CLMN: variants seen among roughly 807,000 people sequenced by gnomAD.
CLMN encodes the protein calmin, also known as calmin (calponin-like, transmembrane).
Under a neutral mutation model 92.7 loss-of-function variants are expected in CLMN, and 57 were observed. The observed-to-expected ratio is 0.61, with a 90% CI of 0.50 to 0.77. The LOEUF is 0.77. CLMN is among the 30% of genes least tolerant of loss of function. The probability of loss-of-function intolerance (pLI) is 0.00; values close to 1 mark genes in which losing one functional copy is unlikely to be tolerated. For synonymous variants in CLMN, 466 were observed against 470.6 expected, an observed-to-expected ratio of 0.99 and a Z score of 0.13; for missense variants, 1,158 against 1,237.5, an observed-to-expected ratio of 0.94 and a Z score of 0.96.
chr14:95,273,868 C>T (rs922390362), intron 1 of CLMN, among the ~76,000 whole-genome samples: 3 of 152,106 alleles, frequency 2.0e-5, no homozygotes, highest in South Asian at 2.1e-4. Context: ...ATAGATAAAC[C>T]GATCGTACAT....
intron 1 of CLMN, among the ~76,000 whole-genome samples, chr14:95,233,061 C>T (rs571457293): frequency 6.6e-6 from 1 of 152,166 alleles, no homozygotes; most frequent in Admixed American, 6.5e-5. Context: ...CAAGGCTGTC[C>T]CGGTTTATGC....
chr14:95,315,800 A>C (rs76449783), intron 1 of CLMN, among the ~76,000 whole-genome samples: 7,139 of 152,330 alleles, frequency 0.047, 790 homozygotes, highest in East Asian at 0.45. Context: ...AATTCAAGCT[A>C]CAGTCTGGCT....
Position 95,194,277 on chromosome 14 carries a change from T to C in CLMN, c.2769+259A>G, listed in dbSNP as rs1896639147. On this transcript the variant is annotated intron_variant, in intron 11 of 12. Coordinates refer to ENST00000298912, the MANE Select transcript of CLMN (RefSeq NM_024734.4). This position sits in a 1 kb window ranked among gnomAD's most constrained non-coding sequence, Gnocchi z 4.0. Reference sequence around the variant, plus strand: ...CTTCTGGGTGCGCGCGGGGTCCAGGTGAGGCGTTTTGGGTGCGTTTTTATA... The same window carrying C: ...CTTCTGGGTGCGCGCGGGGTCCAGGCGAGGCGTTTTGGGTGCGTTTTTATA... The C allele has an allele frequency of 1.1e-5, 16 of 1,405,044 alleles. No individual in the cohort carries two copies. The highest frequency in any genetic ancestry group is 1.4e-5 in the Non-Finnish European group (15 of 1,083,934). 87.0% of individuals were successfully genotyped at this position (1,405,044 alleles called of 1,614,324 possible).
chr14:95,221,134 A>G, intron 4 of CLMN, among the ~76,000 whole-genome samples: 1 of 152,068 alleles, frequency 6.6e-6, no homozygotes, highest in East Asian at 1.9e-4. Flanking sequence ...GGTGAAACCT[A>G]ATGAGAGGCG....
chr14:95,270,094 A>T (rs1899647746), intron 1 of CLMN, among the ~76,000 whole-genome samples: 1 of 152,172 alleles, frequency 6.6e-6, no homozygotes, highest in South Asian at 2.1e-4. Flanking sequence ...GGAGGGGAAG[A>T]GCCAGGGCCA....
chr14:95,315,238 C>T (rs1901712346), intron 1 of CLMN, among the ~76,000 whole-genome samples: 1 of 152,120 alleles, frequency 6.6e-6, no homozygotes, highest in African/African-American at 2.4e-5. Flanking sequence ...CACAACAGGT[C>T]AAGGGGCTTG....
At chr14:95,245,963 T>G (rs1239049545) in intron 1 of CLMN, among the ~76,000 whole-genome samples, 2 of 152,090 alleles carry the variant, frequency 1.3e-5, no homozygotes, top group Non-Finnish European at 1.5e-5. Flanking sequence ...TTTTCTACTC[T>G]TTGCATTTGG....
intron 1 of CLMN, among the ~76,000 whole-genome samples, chr14:95,241,196 G>T (rs1898231095): frequency 6.6e-6 from 1 of 151,806 alleles, no homozygotes; most frequent in Non-Finnish European, 1.5e-5. Flanking sequence ...GTTTTTAAGT[G>T]CATGGAAAGG....
chr14:95,245,204 TATATTATATATA>T (rs1898445465), intron 1 of CLMN, among the ~76,000 whole-genome samples: 1 of 23,616 alleles, frequency 4.2e-5, no homozygotes, highest in Non-Finnish European at 6.4e-5. Flanking sequence ...AATATATATA[TATATTATATATA>T]TATATATATT....
chr14:95,199,886 G>A (rs1036578971), intron 9 of CLMN, among the ~76,000 whole-genome samples: 2 of 152,168 alleles, frequency 1.3e-5, no homozygotes, highest in Admixed American at 1.3e-4. Context: ...TGGCTAGAGG[G>A]GAGGGAGACA....
intron 1 of CLMN, among the ~76,000 whole-genome samples, chr14:95,292,443 C>CCCACCCCCCCCCCCACCT (rs1900611140): frequency 1.6e-5 from 2 of 124,600 alleles, no homozygotes; most frequent in African/African-American, 2.8e-5. Flanking sequence ...CACCCCCACC[C>CCCACCCCCCCCCCCACCT]CCACCCCCAC....
chr14:95,301,174 G>T (rs1901037683), intron 1 of CLMN, among the ~76,000 whole-genome samples: 1 of 152,108 alleles, frequency 6.6e-6, no homozygotes. Flanking sequence ...ATTTTCCAAG[G>T]GCCCCAAAGC....
chr14:95,249,903 T>C (rs115755992), intron 1 of CLMN, among the ~76,000 whole-genome samples: 3,985 of 152,290 alleles, frequency 0.026, 191 homozygotes, highest in African/African-American at 0.092. Context: ...CCCAGCCTTC[T>C]TGCACTCAGA....
At position 95,210,831 on chromosome 14, in the gene CLMN, C is replaced by G; in HGVS notation, c.657G>C (p.Leu219=). ...TGGCCTTGATCACCGCCAGGAAAGC[C>G]AGCCCACTCCTCCAACTGCCCGCAA... is the stretch of plus-strand genomic sequence containing the variant. ...QDFAGSWRSG[L]AFLAVIKAID... The change falls in exon 7 of 13, where the codon CTG becomes CTC. Residue 219 remains leucine, a synonymous_variant. Coordinates refer to ENST00000298912, the MANE Select transcript of CLMN (RefSeq NM_024734.4). 6.4e-7 allele frequency: 1 copy of G among 1,570,746 alleles called. No homozygotes were observed. The highest frequency in any genetic ancestry group is 8.6e-7 in the Non-Finnish European group (1 of 1,164,446).
At chr14:95,316,883 T>C (rs1378460134) in intron 1 of CLMN, among the ~76,000 whole-genome samples, 2 of 152,150 alleles carry the variant, frequency 1.3e-5, no homozygotes, top group Non-Finnish European at 2.9e-5. Flanking sequence ...AGCTGCTGCC[T>C]ACAGATGGAG....
intron 1 of CLMN, among the ~76,000 whole-genome samples, chr14:95,245,603 A>G (rs111310532): frequency 5.3e-3 from 455 of 85,220 alleles, no homozygotes; most frequent in African/African-American, 0.026. Flanking sequence ...TGGATGGATG[A>G]ATGAATGGAT....
rs143406715 is a variant in CLMN, at chr14:95,237,344, G to A, written c.83-7211C>T. On this transcript the variant is annotated intron_variant, in intron 1 of 12. Coordinates refer to ENST00000298912, the MANE Select transcript of CLMN (RefSeq NM_024734.4). ...CTGCAGAGGCTGGGAGGAGGCAGCC[G>A]GAGTCAGAGCTTGGGGCAGCAGAGA... Among the ~76,000 whole-genome samples, 494 of 152,334 alleles carry A rather than the reference G, an allele frequency of 3.2e-3. 1 individual carries two copies. Among genetic ancestry groups the A allele is most frequent in the African/African-American group, 0.011 (455 of 41,570 alleles).
chr14:95,310,080 TG>T (rs543889296), intron 1 of CLMN, among the ~76,000 whole-genome samples: 147 of 152,282 alleles, frequency 9.7e-4, no homozygotes, highest in African/African-American at 3.4e-3. Context: ...GGTTGAAATG[TG>T]ATCCGCAGTG....
At chr14:95,315,118 AG>A (rs1018074012) in intron 1 of CLMN, among the ~76,000 whole-genome samples, 2 of 152,104 alleles carry the variant, frequency 1.3e-5, no homozygotes, top group Non-Finnish European at 2.9e-5. Flanking sequence ...AGGGAGGTAA[AG>A]ATGGAGCGAT....
Sources: gnomAD v4.1 joint callset for allele counts (sites outside exome capture counted in the v4.1 genomes callset) on GRCh38, gnomAD v4.1.1 for gene constraint, Gnocchi (gnomAD v3.1) non-coding constraint, MANE v1.5 for transcripts, NCBI Gene and HGNC (gene_info 2026-07-23, HGNC 2026-07-21) for gene names.